ORC4: variants seen among roughly 807,000 people sequenced by gnomAD.
The protein encoded by ORC4 is origin recognition complex, subunit 4 homolog.
Under a neutral mutation model 63.9 loss-of-function variants are expected in ORC4, and 55 were observed. The ratio of observed to expected loss-of-function variants is 0.86; its 90% confidence interval spans 0.69 to 1.08. The LOEUF (loss-of-function observed/expected upper bound fraction) is 1.08. ORC4 is among the 50% of genes least tolerant of loss of function. The pLI is 0.00. For missense variants in ORC4, 511 were observed against 504.4 expected, an observed-to-expected ratio of 1.01 and a Z score of -0.13; for synonymous variants, 150 against 168.5, an observed-to-expected ratio of 0.89 and a Z score of 0.85.
At chr2:148,005,234 G>A (rs1477552746) in intron 1 of ORC4, among the ~76,000 whole-genome samples, 3 of 152,214 alleles carry the variant, frequency 2.0e-5, no homozygotes, top group Admixed American at 6.5e-5. Context: ...CCATAAAAAA[G>A]GATGAGTTCA....
intron 1 of ORC4, among the ~76,000 whole-genome samples, chr2:148,003,067 G>T (rs537542098): frequency 3.3e-5 from 5 of 152,248 alleles, no homozygotes; most frequent in African/African-American, 1.2e-4. Context: ...CCAGGAAGAA[G>T]TCGAATCCCT....
intron 1 of ORC4, among the ~76,000 whole-genome samples, chr2:148,004,131 C>T (rs952552802): frequency 2.0e-5 from 3 of 152,154 alleles, no homozygotes; most frequent in African/African-American, 7.2e-5. Flanking sequence ...AATGGAAAAA[C>T]ATTCCATGCG....
chr2:147,986,687 T>G (rs758224948), intron 1 of ORC4, among the ~76,000 whole-genome samples: 6 of 152,054 alleles, frequency 3.9e-5, no homozygotes. Flanking sequence ...TAAAGCCTTG[T>G]GTGGAGTGTG....
chr2:148,009,812 C>T (rs571969839), intron 1 of ORC4, among the ~76,000 whole-genome samples: 3 of 152,272 alleles, frequency 2.0e-5, no homozygotes, highest in Admixed American at 2.0e-4. Flanking sequence ...ATCCTAAATT[C>T]TCCAATCAAA....
intron 6 of ORC4, 31 bp downstream of exon 6, chr2:147,958,267 T>A: frequency 7.4e-7 from 1 of 1,360,048 alleles, no homozygotes. Flanking sequence ...CTTAAAAGTC[T>A]ATTTAATAAA....
intron 12 of ORC4, 40 bp downstream of exon 12, chr2:147,938,258 G>GT: frequency 6.3e-7 from 1 of 1,587,606 alleles, no homozygotes; most frequent in Non-Finnish European, 8.6e-7. Flanking sequence ...AATAAGCAGT[G>GT]GGGAAGAGTC....
intron 1 of ORC4, among the ~76,000 whole-genome samples, chr2:147,977,732 A>G (rs988148817): frequency 7.2e-5 from 11 of 152,126 alleles, no homozygotes; most frequent in Non-Finnish European, 8.8e-5. Context: ...TTTTTCTAGG[A>G]CCTCGGTCTG....
Position 147,975,952 on chromosome 2 carries a change from T to C in ORC4, c.7A>G (p.Ser3Gly), listed in dbSNP as rs1230834489. The C allele has an allele frequency of 6.3e-7, 1 of 1,578,070 alleles. No homozygotes were observed. Among genetic ancestry groups the C allele is most frequent in the African/African-American group, 1.4e-5 (1 of 71,334 alleles). Residue 3 changes from serine (S) to glycine (G), a missense_variant, in exon 2 of 14, where the codon AGT becomes GGT. Ser to Gly is a moderately conservative substitution (Grantham distance 56, BLOSUM62 0). Coordinates refer to ENST00000392857, the MANE Select transcript of ORC4 (RefSeq NM_181741.4). MS[S>G]RKSKSNSLIH... ...AAGCTGTTACTCTTTGATTTACGAC[T>C]GCTCATTTCAACAAATTCAAATCCT... is the stretch of plus-strand genomic sequence containing the variant.
intron 1 of ORC4, among the ~76,000 whole-genome samples, chr2:147,992,762 A>T (rs13017080): frequency 1.3e-5 from 2 of 152,110 alleles, no homozygotes; most frequent in African/African-American, 2.4e-5. Context: ...CTCTCTGACC[A>T]TCTCCTAACT....
At chr2:147,940,118 G>C (rs1688280756) in intron 10 of ORC4, among the ~76,000 whole-genome samples, 1 of 152,122 alleles carries the variant, frequency 6.6e-6, no homozygotes. Context: ...TAGATTGCCA[G>C]TGCTCCCTCC....
Position 147,957,761 on chromosome 2 carries a change from C to T in ORC4, c.387+537G>A, listed in dbSNP as rs1689344205. Among the ~76,000 whole-genome samples, 5 of 151,990 alleles carry T rather than the reference C, an allele frequency of 3.3e-5. No homozygotes were observed. In the South Asian group the frequency reaches 1.0e-3, roughly 31 times the overall value. ...TGTTTTCTTTCTTCTTCAAAATAATCCTGTGAAGTATGGATAATAAAATAA... is the reference window on the plus strand; with the variant it reads ...TGTTTTCTTTCTTCTTCAAAATAATTCTGTGAAGTATGGATAATAAAATAA... On this transcript the variant is annotated intron_variant, in intron 6 of 13. Coordinates refer to ENST00000392857, the MANE Select transcript of ORC4 (RefSeq NM_181741.4).
chr2:148,010,390 G>C (rs1157162528), intron 1 of ORC4, among the ~76,000 whole-genome samples: 2 of 150,878 alleles, frequency 1.3e-5, no homozygotes, highest in Non-Finnish European at 3.0e-5. Flanking sequence ...CAAAAAAATA[G>C]AAAAGATCAA....
chr2:147,940,521 GAACC>G (rs1688309133), intron 10 of ORC4, among the ~76,000 whole-genome samples: 1 of 152,046 alleles, frequency 6.6e-6, no homozygotes, highest in African/African-American at 2.4e-5. Context: ...CAAAATCGTA[GAACC>G]AACCCAAATG....
intron 1 of ORC4, among the ~76,000 whole-genome samples, chr2:147,985,087 C>A (rs1314351041): frequency 6.6e-6 from 1 of 152,190 alleles, no homozygotes; most frequent in Non-Finnish European, 1.5e-5. Flanking sequence ...CAGATCCAAA[C>A]CCTCACTCAG....
At chr2:147,992,481 G>T (rs544982763) in intron 1 of ORC4, among the ~76,000 whole-genome samples, 1 of 152,044 alleles carries the variant, frequency 6.6e-6, no homozygotes, top group South Asian at 2.1e-4. Context: ...TAAGACTAGG[G>T]CACTAAAATT....
In ORC4 at chr2:147,952,407, G is replaced by A; in HGVS notation, c.554C>T (p.Thr185Ile). 6.2e-7 allele frequency: 1 copy of A among 1,609,934 alleles called. No individual in the cohort carries two copies. The highest frequency in any genetic ancestry group is 8.5e-7 in the Non-Finnish European group (1 of 1,176,380). Residue 185 changes from threonine to isoleucine, a missense_variant, in exon 8 of 14, where the codon ACC becomes ATC. Physicochemically the swap from Thr to Ile is moderately conservative, Grantham distance 89. Transcript: ENST00000392857. ...TGTAAGACCAATAACTGCTATTGGG[G>A]TCTGTGCAGACTGAGAAATGTCAAA... is the stretch of plus-strand genomic sequence containing the variant. Reference protein sequence around the residue: ...NLFDISQSAQTPIAVIGLTCR... With the variant: ...NLFDISQSAQIPIAVIGLTCR...
At chr2:147,942,978 A>AT (rs989210516) in intron 10 of ORC4, among the ~76,000 whole-genome samples, 1 of 152,168 alleles carries the variant, frequency 6.6e-6, no homozygotes, top group African/African-American at 2.4e-5. Flanking sequence ...GGGAAATGTA[A>AT]TGAATATGTG....
intron 1 of ORC4, among the ~76,000 whole-genome samples, chr2:147,980,499 A>T (rs528027862): frequency 2.0e-5 from 3 of 152,206 alleles, no homozygotes; most frequent in African/African-American, 7.2e-5. Flanking sequence ...CAAAAACAAA[A>T]ACAACAACAA....
rs1350644756 is a variant in ORC4, at chr2:147,931,725, A to C, written c.*3785T>G. ...AAAAAACACATGATTATCTCAATAG[A>C]TGCAGAAAAAGCCTTTGACAAAATT... On this transcript the variant is annotated 3_prime_UTR_variant, in exon 14 of 14. Coordinates refer to ENST00000392857, the MANE Select transcript of ORC4 (RefSeq NM_181741.4). 6.6e-6 allele frequency: 1 copy of C among 152,150 alleles called. No individual in the cohort carries two copies. Among genetic ancestry groups the C allele is most frequent in the East Asian group, 1.9e-4 (1 of 5,196 alleles). The allele number at this position is 152,150 out of a possible 1,614,324, so 9.4% of individuals were successfully genotyped here.
Sources: gnomAD v4.1 joint callset for allele counts (sites outside exome capture counted in the v4.1 genomes callset) on GRCh38, gnomAD v4.1.1 for gene constraint, MANE v1.5 for transcripts, NCBI Gene and HGNC (gene_info 2026-07-23, HGNC 2026-07-21) for gene names.